Variants in SH3KBP1 observed in about 807,000 individuals in gnomAD.
The protein encoded by SH3KBP1 is SH3 domain-containing kinase-binding protein 1.
SH3KBP1 carries 8 observed loss-of-function variants against 50.1 expected under a neutral mutation model. The ratio of observed to expected loss-of-function variants is 0.16; its 90% CI spans 0.09 to 0.29. SH3KBP1 has a LOEUF of 0.29. Among genes scored for constraint, SH3KBP1 ranks in the 10% least tolerant of loss-of-function variants. The probability of loss-of-function intolerance (pLI) is 1.00; values close to 1 mark genes in which losing one functional copy is unlikely to be tolerated. For missense variants in SH3KBP1, 377 were observed against 535.2 expected, an observed-to-expected ratio of 0.70 and a Z score of 2.92; for synonymous variants, 227 against 218.6, an observed-to-expected ratio of 1.04 and a Z score of -0.34.
intron 3 of SH3KBP1, among the ~76,000 whole-genome samples, chrX:19,712,720 T>A (rs746185464): frequency 9.0e-6 from 1 of 111,264 alleles, no homozygotes; most frequent in East Asian, 2.8e-4. Flanking sequence ...AGATACAGCC[T>A]TACCCAAGTG....
chrX:19,632,483 A>G (rs1236402808), intron 7 of SH3KBP1, among the ~76,000 whole-genome samples: 2 of 112,868 alleles, frequency 1.8e-5, no homozygotes, highest in African/African-American at 6.4e-5. Context: ...ATTTCTATGT[A>G]AGCACATGCC....
At chrX:19,630,613 C>T (rs1602727233) in intron 8 of SH3KBP1, among the ~76,000 whole-genome samples, 1 of 111,646 alleles carries the variant, frequency 9.0e-6, no homozygotes, top group South Asian at 3.7e-4. Flanking sequence ...TGGACGAGTT[C>T]TTGGGTGATC....
intron 12 of SH3KBP1, among the ~76,000 whole-genome samples, chrX:19,581,449 G>A (rs1231158299): frequency 1.8e-5 from 2 of 112,163 alleles, no homozygotes; most frequent in South Asian, 3.7e-4. Context: ...CTGACTTAGG[G>A]AACATTGCAC....
At position 19,791,552 on chromosome X, in the gene SH3KBP1, C is replaced by A. The variant is rs572645874; in HGVS notation, c.162+44573G>T. On this transcript the variant is annotated intron_variant, in intron 2 of 17. Coordinates refer to ENST00000397821, the MANE Select transcript of SH3KBP1 (RefSeq NM_031892.3). ...CTAGAGAATGAAAAAAAAAAAAAAA[C>A]CAAGAGGGAGGGGAGTAAAGTAGGA... 2.3e-4 allele frequency among the ~76,000 whole-genome samples: 22 copies of A among 94,459 alleles called. No individual in the cohort carries two copies. In the South Asian group the frequency reaches 5.5e-3, roughly 24 times the overall value. The allele number at this position is 94,459 out of a possible 115,157, so 82.0% of individuals were successfully genotyped here. A position where few individuals can be genotyped will look rare whatever the true frequency, so the allele number is the denominator to read the frequency against.
intron 1 of SH3KBP1, among the ~76,000 whole-genome samples, chrX:19,846,824 A>C (rs1206211991): frequency 1.8e-5 from 2 of 112,367 alleles, no homozygotes; most frequent in African/African-American, 6.5e-5. Context: ...ATTCAAAATA[A>C]ATTCATAGAG....
chrX:19,887,225 CT>C, intron 1 of SH3KBP1, 81 bp downstream of exon 1: 1 of 873,844 alleles, frequency 1.1e-6, no homozygotes. Flanking sequence ...CCGGGGCGCC[CT>C]CCCGGGCTCC....
intron 1 of SH3KBP1, among the ~76,000 whole-genome samples, chrX:19,887,058 C>G (rs1603294815): frequency 8.9e-6 from 1 of 111,811 alleles, no homozygotes; most frequent in Admixed American, 9.3e-5. Flanking sequence ...CCGAGCCGCC[C>G]GGGGCCAGCC....
chrX:19,805,236 T>C (rs1030270801), intron 2 of SH3KBP1, among the ~76,000 whole-genome samples: 2 of 110,793 alleles, frequency 1.8e-5, no homozygotes, highest in Non-Finnish European at 3.8e-5. Context: ...GCTGGCAGCA[T>C]CGGCACTTGC....
chrX:19,878,505 T>TGTGTGTGTGTGTGTGTGAGA (rs1491094714), intron 1 of SH3KBP1, among the ~76,000 whole-genome samples: 92 of 48,241 alleles, frequency 1.9e-3, no homozygotes, highest in African/African-American at 5.2e-3. Context: ...TGTGTGTGTG[T>TGTGTGTGTGTGTGTGTGAGA]GAGAGAGAGA....
chrX:19,885,601 T>C (rs940513108), intron 1 of SH3KBP1, among the ~76,000 whole-genome samples: 2 of 110,678 alleles, frequency 1.8e-5, no homozygotes, highest in African/African-American at 6.6e-5. Flanking sequence ...CCCCTTCTCA[T>C]TGAGATACAG....
At chrX:19,852,095 G>A (rs925017263) in intron 1 of SH3KBP1, among the ~76,000 whole-genome samples, 1 of 111,273 alleles carries the variant, frequency 9.0e-6, no homozygotes, top group African/African-American at 3.3e-5. Flanking sequence ...TGACTTCTAG[G>A]CCATATTATG....
rs776916833 is a variant in SH3KBP1, at chrX:19,743,680, C to A, written c.286+2638G>T. The stretch of plus-strand genomic sequence containing the variant: ...TGAGCTCATCCCACAACGTGAGGGA[C>A]TACTACCTGTTTGCAGTTGCTGCAA... On this transcript the variant is annotated intron_variant, in intron 3 of 17. Coordinates refer to ENST00000397821, the MANE Select transcript of SH3KBP1 (RefSeq NM_031892.3). Among the ~76,000 whole-genome samples the A allele has an allele frequency of 4.5e-5, 5 of 112,025 alleles. No homozygotes were observed. The South Asian group carries it at 1.9e-3, about 41-fold the overall frequency.
intron 3 of SH3KBP1, among the ~76,000 whole-genome samples, chrX:19,744,267 G>C (rs957567296): frequency 4.7e-4 from 53 of 112,150 alleles, no homozygotes; most frequent in African/African-American, 1.6e-3. Flanking sequence ...TTTTAAGGGG[G>C]GAAAAAAGTG....
intron 4 of SH3KBP1, among the ~76,000 whole-genome samples, chrX:19,700,473 C>A (rs752687590): frequency 8.9e-6 from 1 of 112,113 alleles, no homozygotes; most frequent in South Asian, 3.7e-4. Context: ...TCCATCACTC[C>A]AGAAAGTTCC....
At chrX:19,762,380 T>A (rs756729704) in intron 2 of SH3KBP1, among the ~76,000 whole-genome samples, 7 of 110,458 alleles carry the variant, frequency 6.3e-5, no homozygotes, top group African/African-American at 2.3e-4. Flanking sequence ...GGGGATAACA[T>A]CACTACTGTA....
intron 2 of SH3KBP1, among the ~76,000 whole-genome samples, chrX:19,834,109 C>T (rs1393926055): frequency 8.9e-6 from 1 of 112,397 alleles, no homozygotes; most frequent in Non-Finnish European, 1.9e-5. Flanking sequence ...GAAATGCTAG[C>T]AGGATCACCC....
At chrX:19,595,078 T>A in intron 9 of SH3KBP1, 78 bp from the exon 10 acceptor site, 2 of 736,105 alleles carry the variant, frequency 2.7e-6, no homozygotes, top group Non-Finnish European at 4.3e-6. Flanking sequence ...CAGACATTGT[T>A]TTCTATGTGC....
intron 2 of SH3KBP1, among the ~76,000 whole-genome samples, chrX:19,818,044 C>T (rs1217397308): frequency 8.9e-6 from 1 of 112,180 alleles, no homozygotes; most frequent in Admixed American, 9.5e-5. Context: ...TACAATATGG[C>T]TAGGTGTGTA....
chrX:19,571,894 G>A (rs1326167636), intron 12 of SH3KBP1, among the ~76,000 whole-genome samples: 1 of 109,944 alleles, frequency 9.1e-6, no homozygotes, highest in Non-Finnish European at 1.9e-5. Context: ...GGGCAGCTGG[G>A]GTTAAGTCAG....
Sources: gnomAD v4.1 joint callset for allele counts (sites outside exome capture counted in the v4.1 genomes callset) on GRCh38, gnomAD v4.1.1 for gene constraint, MANE v1.5 for transcripts, NCBI Gene and HGNC (gene_info 2026-07-23, HGNC 2026-07-21) for gene names.